The following ADAMTS3 variants were observed in gnomAD, a reference collection of about 807,000 sequenced individuals.
The protein encoded by ADAMTS3 is ADAM metallopeptidase with thrombospondin type 1 motif 3, also known as A disintegrin and metalloproteinase with thrombospondin motifs 3.
A neutral mutation model predicts 129.0 loss-of-function variants in ADAMTS3; 73 were observed. That is an observed-to-expected ratio of 0.57 (90% CI 0.47 to 0.69). The LOEUF (loss-of-function observed/expected upper bound fraction) is 0.69. ADAMTS3 is among the 30% of genes least tolerant of loss of function. The pLI is 0.00. For synonymous variants in ADAMTS3, 477 were observed against 510.8 expected (o/e 0.93, Z 0.89); for missense variants, 1,457 against 1,514.5 (o/e 0.96, Z 0.63).
chr4:72,375,793 T>A (rs1721119956), intron 4 of ADAMTS3, among the ~76,000 whole-genome samples: 1 of 152,168 alleles, frequency 6.6e-6, no homozygotes, highest in South Asian at 2.1e-4. Context: ...TGTGCAAGAA[T>A]TATTTCACTC....
At chr4:72,538,396 G>C (rs901715636) in intron 3 of ADAMTS3, among the ~76,000 whole-genome samples, 1 of 151,872 alleles carries the variant, frequency 6.6e-6, no homozygotes, top group African/African-American at 2.4e-5. Context: ...GAAGAGAGAA[G>C]TGATTCATCA....
chr4:72,359,352 A>T (rs1720661669), intron 4 of ADAMTS3, among the ~76,000 whole-genome samples: 2 of 152,046 alleles, frequency 1.3e-5, no homozygotes, highest in Admixed American at 1.3e-4. Context: ...TTATTGTACA[A>T]ATAATGAACT....
chr4:72,288,783 G>A lies in ADAMTS3; in HGVS notation c.3017C>T (p.Ser1006Leu), dbSNP rs764914499. 2.0e-5 allele frequency: 32 copies of A among 1,613,676 alleles called. No homozygotes were observed. Among genetic ancestry groups the A allele is most frequent in the Admixed American group, 8.3e-5 (5 of 59,996 alleles). Reference protein sequence around the residue: ...GDHCDGEKPESVRACQLPPCN... With the variant: ...GDHCDGEKPELVRACQLPPCN... ...AGGAGGCAGTTGACAGGCTCTGACC[G>A]ACTCAGGCTTTTCACCATCACAGTG... The change falls in exon 21 of 22, where the codon TCG becomes TTG. Residue 1006 changes from serine (S) to leucine (L), a missense_variant. Transcript: ENST00000286657.
chr4:72,426,642 A>G (rs1722580648), intron 3 of ADAMTS3, among the ~76,000 whole-genome samples: 1 of 152,138 alleles, frequency 6.6e-6, no homozygotes, highest in East Asian at 1.9e-4. Flanking sequence ...ATCCCAACAC[A>G]GTGAGAGACC....
In ADAMTS3 at chr4:72,400,167, A is replaced by T. The variant is rs180919664; in HGVS notation, c.661+14648T>A. Among the ~76,000 whole-genome samples the T allele has an allele frequency of 1.0e-3, 150 of 144,236 alleles. 2 individuals carry two copies. Among genetic ancestry groups the T allele is most frequent in the African/African-American group, 3.8e-3 (148 of 39,138 alleles). 94.6% of individuals were successfully genotyped at this position (144,236 alleles called of 152,430 possible). A position where few individuals can be genotyped will look rare whatever the true frequency, so the allele number is the denominator to read the frequency against. On this transcript the variant is annotated intron_variant, in intron 4 of 21. Coordinates refer to ENST00000286657, the MANE Select transcript of ADAMTS3 (RefSeq NM_014243.3). ...ACATGGTGTGTATATATATGTGTGT[A>T]TATATGCACACATGGTATGTATATG...
chr4:72,296,544 T>C (rs1324745768), intron 18 of ADAMTS3, among the ~76,000 whole-genome samples: 2 of 152,106 alleles, frequency 1.3e-5, no homozygotes, highest in Non-Finnish European at 2.9e-5. Context: ...TCTAGATTGA[T>C]CTTTTGTGAC....
chr4:72,387,250 A>C (rs751332861), intron 4 of ADAMTS3, among the ~76,000 whole-genome samples: 1 of 152,200 alleles, frequency 6.6e-6, no homozygotes, highest in African/African-American at 2.4e-5. Flanking sequence ...AATTAAGAGA[A>C]GCAGGTATAC....
rs958050136 is a variant in ADAMTS3, at chr4:72,543,960, A to AAT, written c.504+4516_504+4517dup. On this transcript the variant is annotated intron_variant, in intron 3 of 21. Transcript: ENST00000286657. ...AGTGCATCTCAAAACTCGTCAGGCTAATATATATATATGTCTTATTTTTCA... is the reference window on the plus strand; with the variant it reads ...AGTGCATCTCAAAACTCGTCAGGCTAATATATATATATATGTCTTATTTTTCA... Among the ~76,000 whole-genome samples the AAT allele has an allele frequency of 1.3e-4, 19 of 151,924 alleles. No individual in the cohort carries two copies. In the South Asian group the frequency reaches 1.5e-3, roughly 12 times the overall value.
chr4:72,324,637 C>G (rs570474845), intron 5 of ADAMTS3, among the ~76,000 whole-genome samples: 1 of 151,972 alleles, frequency 6.6e-6, no homozygotes, highest in African/African-American at 2.4e-5. Context: ...AATACCTGTA[C>G]GAGATAAGCC....
intron 3 of ADAMTS3, among the ~76,000 whole-genome samples, chr4:72,532,887 T>C (rs1424897422): frequency 6.6e-6 from 1 of 152,186 alleles, no homozygotes; most frequent in African/African-American, 2.4e-5. Context: ...GGGCACTATA[T>C]GGAGCTTGCA....
chr4:72,568,803 T>C lies in ADAMTS3; in HGVS notation c.-41A>G, dbSNP rs775253862. The C allele has an allele frequency of 1.3e-6, 2 of 1,523,988 alleles. No individual in the cohort carries two copies. Among genetic ancestry groups the C allele is most frequent in the South Asian group, 2.3e-5 (2 of 87,514 alleles). The allele number at this position is 1,523,988 out of a possible 1,614,324, so 94.4% of individuals were successfully genotyped here. On this transcript the variant is annotated 5_prime_UTR_variant, in exon 1 of 22. Transcript: ENST00000286657. The stretch of plus-strand genomic sequence containing the variant: ...CTTTCCAACTACTGGGCAAAGCAAA[T>C]GCCCAGAGCAAACCCACCCCCCCCG...
chr4:72,517,650 T>G (rs1228012132), intron 3 of ADAMTS3, among the ~76,000 whole-genome samples: 44 of 152,180 alleles, frequency 2.9e-4, no homozygotes, highest in East Asian at 7.7e-4. Flanking sequence ...TTCTCTGATG[T>G]TAGTTTGTAT....
At chr4:72,334,290 G>A (rs1466228134) in intron 5 of ADAMTS3, among the ~76,000 whole-genome samples, 1 of 151,984 alleles carries the variant, frequency 6.6e-6, no homozygotes, top group African/African-American at 2.4e-5. Context: ...ATCTCGCTGA[G>A]GTCAGGAAAT....
intron 4 of ADAMTS3, among the ~76,000 whole-genome samples, chr4:72,382,913 CGGTTAGGTACCAT>C (rs1231417118): frequency 6.6e-6 from 1 of 152,078 alleles, no homozygotes. Flanking sequence ...GCAAAACTAC[CGGTTAGGTACCAT>C]GTTCACTATT....
intron 6 of ADAMTS3, among the ~76,000 whole-genome samples, chr4:72,322,348 T>C (rs1289193188): frequency 6.6e-6 from 1 of 152,208 alleles, no homozygotes; most frequent in Non-Finnish European, 1.5e-5. Flanking sequence ...TGTGTAATTT[T>C]AAACATCAAG....
chr4:72,458,327 T>C (rs1242342304), intron 3 of ADAMTS3, among the ~76,000 whole-genome samples: 7 of 151,414 alleles, frequency 4.6e-5, no homozygotes, highest in Non-Finnish European at 8.9e-5. Flanking sequence ...TGGCCATTTA[T>C]GCAACTAAAG....
intron 3 of ADAMTS3, among the ~76,000 whole-genome samples, chr4:72,540,125 A>G (rs892550772): frequency 6.6e-6 from 1 of 152,164 alleles, no homozygotes; most frequent in Non-Finnish European, 1.5e-5. Flanking sequence ...GACTTGTTGA[A>G]TGGTTTTGAC....
At chr4:72,403,378 C>T (rs1347540630) in intron 4 of ADAMTS3, among the ~76,000 whole-genome samples, 1 of 151,886 alleles carries the variant, frequency 6.6e-6, no homozygotes, top group Non-Finnish European at 1.5e-5. Flanking sequence ...TTTCTATATT[C>T]ATGAAGAAAA....
chr4:72,511,989 T>C (rs998129636), intron 3 of ADAMTS3, among the ~76,000 whole-genome samples: 2 of 152,312 alleles, frequency 1.3e-5, no homozygotes, highest in Admixed American at 1.3e-4. Flanking sequence ...GAGATCATTA[T>C]GTTAAGTGAA....
Sources: gnomAD v4.1 joint callset for allele counts (sites outside exome capture counted in the v4.1 genomes callset) on GRCh38, gnomAD v4.1.1 for gene constraint, MANE v1.5 for transcripts, NCBI Gene and HGNC (gene_info 2026-07-23, HGNC 2026-07-21) for gene names.